Variants in SERHL2 observed in about 807,000 individuals in gnomAD.
The protein encoded by SERHL2 is serine hydrolase like 2.
SERHL2 carries 29 observed loss-of-function variants against 25.5 expected under a neutral mutation model. The observed-to-expected ratio is 1.14, with a 90% CI of 0.85 to 1.55. SERHL2 has a LOEUF of 1.55. Among genes scored for constraint, SERHL2 ranks in the 40% most tolerant of loss-of-function variants. The pLI, the probability that SERHL2 is intolerant of heterozygous loss-of-function variation, is 0.00. For synonymous variants in SERHL2, 95 were observed against 103.5 expected, an observed-to-expected ratio of 0.92 and a Z score of 0.50; for missense variants, 240 against 252.3, an observed-to-expected ratio of 0.95 and a Z score of 0.33.
chr22:42,572,546 G>A lies in SERHL2; in HGVS notation c.825+17G>A, dbSNP rs376982636. The A allele has an allele frequency of 1.5e-5, 24 of 1,610,374 alleles. No homozygotes were observed. The African/African-American group carries it at 2.9e-4, about 20-fold the overall frequency. On this transcript the variant is annotated intron_variant, in intron 11 of 11. Transcript: ENST00000327678. The stretch of plus-strand genomic sequence containing the variant: ...CTCAAAGAGGTAAGACGGGGCTCAG[G>A]CAGCTGGTGTCCAGCCACTGTCGCC...
At position 42,570,686 on chromosome 22, in the gene SERHL2, G is replaced by A. The variant is rs1024267231; in HGVS notation, c.649-435G>A. ...CCATCCTGCACTGTGGTCCCAGCAA[G>A]TTTCTTCCTCCTGGCAAGAAGCCTG... On this transcript the variant is annotated intron_variant, in intron 9 of 11. Transcript: ENST00000327678. 2.0e-5 allele frequency among the ~76,000 whole-genome samples: 3 copies of A among 152,174 alleles called. No individual in the cohort carries two copies. In the East Asian group the frequency reaches 5.8e-4, roughly 29 times the overall value.
intron 11 of SERHL2, chr22:42,573,229 G>A (rs1181647298): frequency 3.3e-5 from 5 of 150,608 alleles, no homozygotes; most frequent in Non-Finnish European, 5.9e-5. Context: ...GGCAGGCAAG[G>A]CCTTCCTGTC....
Position 42,566,226 on chromosome 22 carries a change from G to A in SERHL2, c.614-78G>A. 1.9e-5 allele frequency: 28 copies of A among 1,454,372 alleles called. No individual in the cohort carries two copies. In the South Asian group the frequency reaches 2.9e-4, roughly 15 times the overall value. 90.1% of individuals were successfully genotyped at this position (1,454,372 alleles called of 1,614,324 possible). A position where few individuals can be genotyped will look rare whatever the true frequency, so the allele number is the denominator to read the frequency against. On this transcript the variant is annotated intron_variant, in intron 8 of 11. Coordinates refer to ENST00000327678, the MANE Select transcript of SERHL2 (RefSeq NM_014509.5). The stretch of plus-strand genomic sequence containing the variant: ...GGCCCTGGCTGCAAAGGCCTGGAGG[G>A]TTCCAGCAAAGTCACGGAGCGTCCC...
At chr22:42,567,181 C>T (rs868767985) in intron 9 of SERHL2, among the ~76,000 whole-genome samples, 1,273 of 146,474 alleles carry the variant, frequency 8.7e-3, no homozygotes, top group African/African-American at 0.031. Flanking sequence ...TGGGGACGCT[C>T]TAACTGCAGG....
chr22:42,568,767 C>G (rs1206960726), intron 9 of SERHL2, among the ~76,000 whole-genome samples: 2 of 151,976 alleles, frequency 1.3e-5, no homozygotes, highest in South Asian at 4.1e-4. Context: ...GAGTTAAAGA[C>G]CAGCCTCGCC....
intron 9 of SERHL2, among the ~76,000 whole-genome samples, chr22:42,567,857 G>T (rs1923624848): frequency 6.6e-6 from 1 of 151,382 alleles, no homozygotes; most frequent in African/African-American, 2.4e-5. Flanking sequence ...CAGCCCCCAA[G>T]TAGCTGGGAT....
In SERHL2 at chr22:42,574,258, A is replaced by T; in HGVS notation, c.*203A>T. 1.7e-6 allele frequency: 1 copy of T among 584,478 alleles called. No individual in the cohort carries two copies. The highest frequency in any genetic ancestry group is 2.1e-5 in the South Asian group (1 of 46,720). 36.2% of individuals were successfully genotyped at this position (584,478 alleles called of 1,614,324 possible). On this transcript the variant is annotated 3_prime_UTR_variant, in exon 12 of 12. Coordinates refer to ENST00000327678, the MANE Select transcript of SERHL2 (RefSeq NM_014509.5). Reference sequence around the variant, plus strand: ...AAGGGGGAGACAGAGTCTGGGTTCCAGGGCTGCTTTCTCCTGGCTAATAAT... The same window carrying T: ...AAGGGGGAGACAGAGTCTGGGTTCCTGGGCTGCTTTCTCCTGGCTAATAAT...
chr22:42,562,841 G>A (rs1922855053), intron 8 of SERHL2, among the ~76,000 whole-genome samples: 2 of 151,980 alleles, frequency 1.3e-5, no homozygotes, highest in Admixed American at 1.3e-4. Flanking sequence ...GTGTTCCCAT[G>A]AAGGAGGGAG....
At chr22:42,571,305 T>A in intron 10 of SERHL2, 102 bp downstream of exon 10, 1 of 1,563,700 alleles carries the variant, frequency 6.4e-7, no homozygotes, top group East Asian at 2.4e-5. Context: ...TCTCTGCGTG[T>A]CGACCACATC....
At position 42,560,280 on chromosome 22, in the gene SERHL2, T is replaced by G. The variant is rs1309276270; in HGVS notation, c.613+15T>G. On this transcript the variant is annotated intron_variant, in intron 8 of 11. Transcript: ENST00000327678. ...GGTGGCCACAGGTAAGGGACTCTAC[T>G]GTCCAAGGCCATTTTATATTTGTCA... 6.4e-7 allele frequency: 1 copy of G among 1,574,308 alleles called. No individual in the cohort carries two copies. The highest frequency in any genetic ancestry group is 1.3e-5 in the African/African-American group (1 of 74,322).
At chr22:42,571,579 C>T in intron 10 of SERHL2, 1 of 558,712 alleles carries the variant, frequency 1.8e-6, no homozygotes, top group Non-Finnish European at 2.4e-6. Context: ...GCGCCCGCCA[C>T]CAGGCCTGGC....
intron 8 of SERHL2, among the ~76,000 whole-genome samples, chr22:42,560,912 T>G (rs1316633358): frequency 6.6e-6 from 1 of 151,558 alleles, no homozygotes; most frequent in Non-Finnish European, 1.5e-5. Context: ...AGGAAATCTT[T>G]TGTAAGGGCC....
intron 8 of SERHL2, among the ~76,000 whole-genome samples, chr22:42,564,097 CAT>C (rs892409683): frequency 2.4e-4 from 36 of 151,644 alleles, no homozygotes; most frequent in African/African-American, 8.4e-4. Context: ...CAAGAAAAAA[CAT>C]GTCTTTTGTA....
intron 7 of SERHL2, 106 bp from the exon 8 acceptor site, chr22:42,560,080 G>A (rs1922489415): frequency 1.2e-6 from 1 of 814,586 alleles, no homozygotes; most frequent in Admixed American, 1.9e-5. Context: ...CCAAAGTGCT[G>A]GGATTACAGG....
rs1044823455 is a variant in SERHL2, at chr22:42,560,054, C to T, written c.534-132C>T. ...CTCAAACTCCTGACCTCAGATGATC[C>T]GCCCATCTTGTCCTCCCAAAGTGCT... is the stretch of plus-strand genomic sequence containing the variant. On this transcript the variant is annotated intron_variant, in intron 7 of 11. Transcript: ENST00000327678. The T allele has an allele frequency of 9.4e-5, 63 of 670,424 alleles. 3 individuals are homozygous for T. The highest frequency in any genetic ancestry group is 7.3e-4 in the Admixed American group (32 of 43,976). 41.5% of individuals were successfully genotyped at this position (670,424 alleles called of 1,614,324 possible).
At position 42,560,174 on chromosome 22, in the gene SERHL2, G is replaced by A. The variant is rs1251805903; in HGVS notation, c.534-12G>A. On this transcript the variant is annotated splice_polypyrimidine_tract_variant and intron_variant, in intron 7 of 11. Transcript: ENST00000327678. The stretch of plus-strand genomic sequence containing the variant: ...GCCTCCAGGCACCCAGCATCCTTCT[G>A]TCTCCCCCCAGGTTACTGAAGAGCA... 4.4e-6 allele frequency: 7 copies of A among 1,607,858 alleles called. No homozygotes were observed. The highest frequency in any genetic ancestry group is 6.0e-6 in the Non-Finnish European group (7 of 1,174,780).
chr22:42,555,883 G>A, intron 4 of SERHL2, 178 bp downstream of exon 4: 1 of 216,124 alleles, frequency 4.6e-6, no homozygotes, highest in South Asian at 4.0e-5. Flanking sequence ...AGGGACACAG[G>A]GATGAGGGAA....
At chr22:42,559,667 C>T (rs1179873093) in intron 7 of SERHL2, among the ~76,000 whole-genome samples, 1 of 151,404 alleles carries the variant, frequency 6.6e-6, no homozygotes, top group Admixed American at 6.6e-5. Context: ...TGCAGTGAAC[C>T]CAGATTGCGC....
chr22:42,570,210 T>G (rs1302145051), intron 9 of SERHL2, among the ~76,000 whole-genome samples: 1 of 151,958 alleles, frequency 6.6e-6, no homozygotes, highest in Non-Finnish European at 1.5e-5. Context: ...TCACCTGAGG[T>G]CAGGAGTTCA....
Sources: allele counts gnomAD v4.1 joint callset (sites outside exome capture counted in the v4.1 genomes callset), GRCh38; gene constraint gnomAD v4.1.1; transcripts MANE v1.5; gene names NCBI Gene and HGNC (gene_info 2026-07-23, HGNC 2026-07-21).